The following LRRC4C variants were observed in gnomAD, a reference collection of about 807,000 sequenced individuals.
LRRC4C encodes leucine-rich repeat-containing protein 4C.
LRRC4C carries 5 observed loss-of-function variants against 33.6 expected under a neutral mutation model. That is an observed-to-expected ratio of 0.15 (90% confidence interval 0.08 to 0.31). The LOEUF is 0.31. Ranked by LOEUF, LRRC4C falls within the 10% of genes least tolerant of loss-of-function variation. The probability of loss-of-function intolerance (pLI) is 1.00; values close to 1 mark genes in which losing one functional copy is unlikely to be tolerated. For missense variants in LRRC4C, 560 were observed against 796.7 expected, an observed-to-expected ratio of 0.70 and a Z score of 3.58; for synonymous variants, 329 against 302.0, an observed-to-expected ratio of 1.09 and a Z score of -0.93.
chr11:41,312,888 A>G (rs991741198), intron 1 of LRRC4C, among the ~76,000 whole-genome samples: 4 of 152,210 alleles, frequency 2.6e-5, no homozygotes, highest in African/African-American at 9.7e-5. Context: ...TTGGCAGTAT[A>G]CATAAAACGC....
Position 40,844,163 on chromosome 11 carries a change from A to C in LRRC4C, c.-407+89472T>G, listed in dbSNP as rs142366082. On this transcript the variant is annotated intron_variant, in intron 2 of 6. Transcript: ENST00000528697. ...AAATACAGCAATTGAACTAGTTTACAGTCATGTTGGCACATGTATACGTAT... is the reference window on the plus strand; with the variant it reads ...AAATACAGCAATTGAACTAGTTTACCGTCATGTTGGCACATGTATACGTAT... Among the ~76,000 whole-genome samples, 1,203 of 152,222 alleles carry C rather than the reference A, an allele frequency of 7.9e-3. 48 individuals are homozygous for C. Among genetic ancestry groups the C allele is most frequent in the Admixed American group, 0.069 (1,049 of 15,276 alleles).
intron 3 of LRRC4C, among the ~76,000 whole-genome samples, chr11:40,350,345 G>A (rs1296336059): frequency 1.3e-5 from 2 of 152,026 alleles, no homozygotes; most frequent in Non-Finnish European, 2.9e-5. Context: ...TTATTAAAGA[G>A]GCTGTCCTTT....
At chr11:40,845,880 G>T (rs756744008) in intron 2 of LRRC4C, among the ~76,000 whole-genome samples, 29 of 152,118 alleles carry the variant, frequency 1.9e-4, no homozygotes, top group Non-Finnish European at 4.1e-4. Flanking sequence ...AATCTAACTG[G>T]CATGAGATGG....
At chr11:40,988,811 G>T (rs368601348) in intron 1 of LRRC4C, among the ~76,000 whole-genome samples, 338 of 146,734 alleles carry the variant, frequency 2.3e-3, no homozygotes, top group African/African-American at 8.2e-3. Flanking sequence ...CCACCTCCCG[G>T]GTTCATGCCA....
chr11:41,220,950 G>T (rs934818668), intron 1 of LRRC4C, among the ~76,000 whole-genome samples: 5 of 152,080 alleles, frequency 3.3e-5, no homozygotes, highest in Admixed American at 3.3e-4. Flanking sequence ...AATTACTGAT[G>T]ATTTCTCTTG....
chr11:40,751,907 C>A (rs773488141), intron 2 of LRRC4C, among the ~76,000 whole-genome samples: 1 of 151,952 alleles, frequency 6.6e-6, no homozygotes, highest in Non-Finnish European at 1.5e-5. Flanking sequence ...AAAAATCACA[C>A]AGAGCAATGG....
chr11:41,055,918 A>G (rs1289210755), intron 1 of LRRC4C, among the ~76,000 whole-genome samples: 1 of 152,184 alleles, frequency 6.6e-6, no homozygotes, highest in Admixed American at 6.5e-5. Context: ...TAGAAAAAAT[A>G]AGGTTGAAGA....
At chr11:40,777,740 T>A (rs36066891) in intron 2 of LRRC4C, among the ~76,000 whole-genome samples, 16,008 of 151,776 alleles carry the variant, frequency 0.11, 1,230 homozygotes, top group East Asian at 0.4. Context: ...CAGGCTGGAG[T>A]GCAGTGGCAT....
At chr11:40,287,368 T>C (rs367777161) in intron 4 of LRRC4C, among the ~76,000 whole-genome samples, 1 of 152,126 alleles carries the variant, frequency 6.6e-6, no homozygotes, top group Non-Finnish European at 1.5e-5. Context: ...CTGGTATATA[T>C]GTGCGTGCCT....
intron 3 of LRRC4C, among the ~76,000 whole-genome samples, chr11:40,622,436 C>T (rs1962545570): frequency 6.6e-6 from 1 of 151,722 alleles, no homozygotes; most frequent in Non-Finnish European, 1.5e-5. Flanking sequence ...TCTTCTGCCT[C>T]AAAATACCCT....
At chr11:41,136,349 A>G (rs886436598) in intron 1 of LRRC4C, among the ~76,000 whole-genome samples, 1 of 152,058 alleles carries the variant, frequency 6.6e-6, no homozygotes, top group Non-Finnish European at 1.5e-5. Context: ...CAGAGGTAAA[A>G]CTCATGGTGC....
intron 4 of LRRC4C, among the ~76,000 whole-genome samples, chr11:40,277,442 A>G (rs1240630972): frequency 1.3e-5 from 2 of 152,142 alleles, no homozygotes; most frequent in East Asian, 3.8e-4. Context: ...CGAACTGAGA[A>G]CACCCAGGAT....
At chr11:40,283,355 AT>A (rs1212636003) in intron 4 of LRRC4C, among the ~76,000 whole-genome samples, 3 of 152,194 alleles carry the variant, frequency 2.0e-5, no homozygotes, top group Non-Finnish European at 4.4e-5. Flanking sequence ...AAATCATTTG[AT>A]TTAAATGTTC....
intron 1 of LRRC4C, among the ~76,000 whole-genome samples, chr11:41,025,026 T>C (rs1029204468): frequency 1.3e-5 from 2 of 151,622 alleles, no homozygotes; most frequent in Non-Finnish European, 3.0e-5. Flanking sequence ...TAAGACAGCA[T>C]ACATAATAGA....
At chr11:40,761,872 T>G (rs1949230663) in intron 2 of LRRC4C, among the ~76,000 whole-genome samples, 1 of 152,148 alleles carries the variant, frequency 6.6e-6, no homozygotes, top group Non-Finnish European at 1.5e-5. Flanking sequence ...TGGAAGGATT[T>G]GCAGAAACAT....
rs1033967628 is a variant in LRRC4C at position 41,009,770 on chromosome 11, A to G, written c.-495-76047T>C. On this transcript the variant is annotated intron_variant, in intron 1 of 6. Transcript: ENST00000528697. ...ACTACTACCCTTTTGGAGAGGCTAC[A>G]CATTTTCCAGTTTATCTCTATTATG... is the stretch of plus-strand genomic sequence containing the variant. Among the ~76,000 whole-genome samples, 9 of 152,306 alleles carry G rather than the reference A, an allele frequency of 5.9e-5. No individual in the cohort carries two copies. In the South Asian group the frequency reaches 6.2e-4, roughly 11 times the overall value.
intron 3 of LRRC4C, among the ~76,000 whole-genome samples, chr11:40,605,205 C>G (rs1960447725): frequency 6.6e-6 from 1 of 151,782 alleles, no homozygotes; most frequent in African/African-American, 2.4e-5. Flanking sequence ...AGGTGGGGGA[C>G]AAAGCGATTT....
intron 2 of LRRC4C, among the ~76,000 whole-genome samples, chr11:40,843,537 C>T (rs146213330): frequency 2.8e-3 from 421 of 152,214 alleles, no homozygotes; most frequent in Non-Finnish European, 4.3e-3. Context: ...TGATGAAATA[C>T]GATATTTCTA....
At chr11:41,396,087 G>C (rs1419773024) in intron 1 of LRRC4C, among the ~76,000 whole-genome samples, 2 of 151,910 alleles carry the variant, frequency 1.3e-5, no homozygotes, top group African/African-American at 4.8e-5. Context: ...TGTATTTTAA[G>C]AGTGGCCCAA....
Sources: allele counts gnomAD v4.1 joint callset (sites outside exome capture counted in the v4.1 genomes callset), GRCh38; gene constraint gnomAD v4.1.1; transcripts MANE v1.5; gene names NCBI Gene and HGNC (gene_info 2026-07-23, HGNC 2026-07-21).